PPP2R2C: variants seen among roughly 807,000 people sequenced by gnomAD.
The protein encoded by PPP2R2C is protein phosphatase 2, regulatory subunit B, gamma.
In PPP2R2C, 10 loss-of-function variants were observed where a neutral mutation model predicts 45.3. That is an observed-to-expected ratio of 0.22 (90% CI 0.14 to 0.37). The LOEUF is 0.37. Among genes scored for constraint, PPP2R2C ranks in the 10% least tolerant of loss-of-function variants. The pLI is 1.00. For synonymous variants in PPP2R2C, 257 were observed against 245.4 expected, an observed-to-expected ratio of 1.05 and a Z score of -0.44; for missense variants, 308 against 619.7, an observed-to-expected ratio of 0.50 and a Z score of 5.34.
intron 1 of PPP2R2C, among the ~76,000 whole-genome samples, chr4:6,544,111 A>T (rs562213728): frequency 4.3e-4 from 65 of 152,274 alleles, no homozygotes; most frequent in African/African-American, 1.6e-3. Flanking sequence ...CAAGAACCAG[A>T]CTCAAAGAAA....
At chr4:6,425,193 C>A (rs1333914833) in intron 1 of PPP2R2C, among the ~76,000 whole-genome samples, 1 of 152,156 alleles carries the variant, frequency 6.6e-6, no homozygotes, top group Non-Finnish European at 1.5e-5. Context: ...CAGCACAGCT[C>A]CCTGTCCCCC....
intron 1 of PPP2R2C, among the ~76,000 whole-genome samples, chr4:6,425,455 G>A (rs1385073821): frequency 6.6e-6 from 1 of 152,190 alleles, no homozygotes; most frequent in Non-Finnish European, 1.5e-5. Flanking sequence ...TGAGGATCCA[G>A]GGACATCCAG....
chr4:6,465,651 AT>A (rs200323531), intron 1 of PPP2R2C, among the ~76,000 whole-genome samples: 19 of 144,834 alleles, frequency 1.3e-4, no homozygotes, highest in African/African-American at 5.0e-4. Context: ...GTCAATTCAA[AT>A]TTAAAAAAAA....
At chr4:6,533,732 A>G (rs1426322163) in intron 2 of PPP2R2C, among the ~76,000 whole-genome samples, 1 of 152,150 alleles carries the variant, frequency 6.6e-6, no homozygotes, top group Non-Finnish European at 1.5e-5. Flanking sequence ...CACGTTATTT[A>G]TAACTGAGCA....
At chr4:6,475,190 C>CGGGGATGGAGAT (rs1454261737), upstream of PPP2R2C, among the ~76,000 whole-genome samples, 3 of 151,316 alleles carry the variant, frequency 2.0e-5, no homozygotes, top group South Asian at 4.2e-4. Flanking sequence ...TGGAGATGAA[C>CGGGGATGGAGAT]GGGGATGGAG....
intron 1 of PPP2R2C, among the ~76,000 whole-genome samples, chr4:6,425,653 T>G (rs1719244310): frequency 1.3e-5 from 2 of 152,162 alleles, no homozygotes; most frequent in Non-Finnish European, 2.9e-5. Flanking sequence ...AATTTCCCCT[T>G]CATCACGTGC....
chr4:6,325,972 G>A lies in PPP2R2C; in HGVS notation c.1053-2379C>T, dbSNP rs535956612. On this transcript the variant is annotated intron_variant, in intron 8 of 8. Transcript: ENST00000382599. ...GGAGAAGTGTTTGACTCCAGGAGGC[G>A]GAGGTTGCAGCGAGCCGAGATGGCG... is the stretch of plus-strand genomic sequence containing the variant. Among the ~76,000 whole-genome samples the A allele has an allele frequency of 1.2e-4, 18 of 152,320 alleles. No individual in the cohort carries two copies. The South Asian group carries it at 2.3e-3, about 19-fold the overall frequency.
intron 3 of PPP2R2C, among the ~76,000 whole-genome samples, chr4:6,376,552 C>T (rs1715318656): frequency 6.6e-6 from 1 of 151,994 alleles, no homozygotes; most frequent in Non-Finnish European, 1.5e-5. Flanking sequence ...TTACCGGTCT[C>T]AGATGATCCT....
intron 2 of PPP2R2C, among the ~76,000 whole-genome samples, chr4:6,519,169 G>A (rs1187152874): frequency 6.6e-6 from 1 of 152,088 alleles, no homozygotes; most frequent in Non-Finnish European, 1.5e-5. Context: ...CCACCCTTCT[G>A]ACTCCCCTAG....
chr4:6,381,186 G>T (rs534885400), intron 1 of PPP2R2C, 92 bp from the exon 2 acceptor site: 5 of 1,546,578 alleles, frequency 3.2e-6, no homozygotes, highest in Non-Finnish European at 4.4e-6. Flanking sequence ...CGAGCTCCCC[G>T]CTCCCCGAGG....
At chr4:6,536,378 C>T (rs10011754) in intron 1 of PPP2R2C, among the ~76,000 whole-genome samples, 134,770 of 152,168 alleles carry the variant, frequency 0.89, 61,914 homozygotes, top group East Asian at 1. Context: ...AAAAGCTCTG[C>T]AGAAAAGTGA....
intron 1 of PPP2R2C, among the ~76,000 whole-genome samples, chr4:6,414,461 G>A (rs138929867): frequency 6.6e-6 from 1 of 152,146 alleles, no homozygotes; most frequent in African/African-American, 2.4e-5. Context: ...AGGCTGGCGG[G>A]AGGAGCATCA....
chr4:6,354,456 C>T (rs1712954469), intron 5 of PPP2R2C, among the ~76,000 whole-genome samples: 1 of 152,146 alleles, frequency 6.6e-6, no homozygotes, highest in South Asian at 2.1e-4. Context: ...GCAGTCGGCT[C>T]CAGGGCCAGC....
intron 1 of PPP2R2C, among the ~76,000 whole-genome samples, chr4:6,409,870 G>A (rs1406074988): frequency 6.6e-6 from 1 of 152,146 alleles, no homozygotes; most frequent in Non-Finnish European, 1.5e-5. Context: ...TTTCCCCTCT[G>A]CCTGGAACAC....
intron 1 of PPP2R2C, among the ~76,000 whole-genome samples, chr4:6,405,963 C>G (rs1331639592): frequency 6.6e-6 from 1 of 152,108 alleles, no homozygotes; most frequent in African/African-American, 2.4e-5. Flanking sequence ...CTCTTTTTCC[C>G]TTCACTTACC....
At chr4:6,519,152 C>T (rs1421755194) in intron 2 of PPP2R2C, among the ~76,000 whole-genome samples, 1 of 152,094 alleles carries the variant, frequency 6.6e-6, no homozygotes, top group Non-Finnish European at 1.5e-5. Context: ...GAGCATTCTG[C>T]CACCATCCAC....
chr4:6,473,027 C>T (rs1448290642), upstream of PPP2R2C, among the ~76,000 whole-genome samples: 1 of 152,046 alleles, frequency 6.6e-6, no homozygotes. Context: ...AGGACACTGT[C>T]TCCCTTCATT....
At chr4:6,336,487 C>G (rs1021948176) in intron 6 of PPP2R2C, among the ~76,000 whole-genome samples, 2 of 152,008 alleles carry the variant, frequency 1.3e-5, no homozygotes, top group African/African-American at 4.8e-5. Context: ...ACAACAGGAG[C>G]CAAGGGCGCT....
At chr4:6,352,546 T>C (rs1163137080) in intron 5 of PPP2R2C, among the ~76,000 whole-genome samples, 1 of 152,226 alleles carries the variant, frequency 6.6e-6, no homozygotes, top group East Asian at 1.9e-4. Flanking sequence ...TCCAACTGTC[T>C]GGTGGGATTT....
Sources: allele counts gnomAD v4.1 joint callset (sites outside exome capture counted in the v4.1 genomes callset), GRCh38; gene constraint gnomAD v4.1.1; transcripts MANE v1.5; gene names NCBI Gene and HGNC (gene_info 2026-07-23, HGNC 2026-07-21).